Variants in GLI3 observed in about 807,000 individuals in gnomAD.
GLI3 encodes transcription activator GLI3.
Under a neutral mutation model 100.8 loss-of-function variants are expected in GLI3, and 20 were observed. The ratio of observed to expected loss-of-function variants is 0.20; its 90% CI spans 0.14 to 0.29. The LOEUF is 0.29. Among genes scored for constraint, GLI3 ranks in the 10% least tolerant of loss-of-function variants. The pLI is 1.00. For missense variants in GLI3, 2,040 were observed against 2,128.5 expected, an observed-to-expected ratio of 0.96 and a Z score of 0.82; for synonymous variants, 938 against 860.5, an observed-to-expected ratio of 1.09 and a Z score of -1.58.
Position 42,170,287 on chromosome 7 carries a change from T to TACACACAC in GLI3, c.125-21827_125-21820dup, listed in dbSNP as rs1391940438. On this transcript the variant is annotated intron_variant, in intron 2 of 14. Transcript: ENST00000395925. The stretch of plus-strand genomic sequence containing the variant: ...AAAATTATATATATATATATATATA[T>TACACACAC]ACACACACATATGTATATATTTAAA... 1.3e-4 allele frequency among the ~76,000 whole-genome samples: 16 copies of TACACACAC among 123,934 alleles called. No individual in the cohort carries two copies. In the East Asian group the frequency reaches 1.8e-3, roughly 14 times the overall value. 81.3% of individuals were successfully genotyped at this position (123,934 alleles called of 152,430 possible).
chr7:42,184,589 G>A (rs1181717436), intron 2 of GLI3, among the ~76,000 whole-genome samples: 2 of 152,192 alleles, frequency 1.3e-5, no homozygotes, highest in South Asian at 4.1e-4. Context: ...AATGTGAATT[G>A]TTTTAATGAA....
At chr7:42,171,933 T>C (rs1166575278) in intron 2 of GLI3, among the ~76,000 whole-genome samples, 4 of 152,156 alleles carry the variant, frequency 2.6e-5, no homozygotes, top group Non-Finnish European at 5.9e-5. Flanking sequence ...AGAATGTACC[T>C]TCACATTGCC....
intron 3 of GLI3, 91 bp downstream of exon 3, chr7:42,148,135 G>A (rs372753942): frequency 1.9e-4 from 163 of 867,440 alleles, no homozygotes; most frequent in South Asian, 1.3e-3. Context: ...CATAAAGCGC[G>A]CACACACACA....
intron 2 of GLI3, among the ~76,000 whole-genome samples, chr7:42,167,878 A>C (rs2128674686): frequency 6.6e-6 from 1 of 152,346 alleles, no homozygotes; most frequent in South Asian, 2.1e-4. Context: ...TTCTGCCAAA[A>C]GATCACACAG....
intron 2 of GLI3, among the ~76,000 whole-genome samples, chr7:42,209,986 GAAAAAAAAAAAAA>G (rs749477443): frequency 2.1e-4 from 7 of 33,268 alleles, no homozygotes; most frequent in African/African-American, 6.0e-4. Context: ...TTAAGAATCT[GAAAAAAAAAAAAA>G]AAAAAAAAAA....
At chr7:42,255,911 A>G (rs1222558665) in intron 1 of GLI3, among the ~76,000 whole-genome samples, 10 of 152,184 alleles carry the variant, frequency 6.6e-5, no homozygotes, top group African/African-American at 2.4e-4. Flanking sequence ...TGGCCATACC[A>G]TTCTGCATTA....
chr7:42,178,526 G>T (rs117961103), intron 2 of GLI3, among the ~76,000 whole-genome samples: 1 of 152,182 alleles, frequency 6.6e-6, no homozygotes, highest in East Asian at 1.9e-4. Flanking sequence ...CCTTCAAGAA[G>T]AAAGGAGAGC....
intron 2 of GLI3, among the ~76,000 whole-genome samples, chr7:42,184,230 T>C (rs1236092070): frequency 6.6e-6 from 1 of 152,210 alleles, no homozygotes. Context: ...TCCCCTCGTC[T>C]CTGCTCTGGC....
At chr7:42,255,547 A>T (rs969040611) in intron 1 of GLI3, among the ~76,000 whole-genome samples, 1 of 152,156 alleles carries the variant, frequency 6.6e-6, no homozygotes, top group African/African-American at 2.4e-5. Flanking sequence ...TTTTAGGGAC[A>T]TTTCATATAC....
intron 7 of GLI3, among the ~76,000 whole-genome samples, chr7:42,028,657 G>A (rs1017198566): frequency 3.9e-5 from 6 of 151,974 alleles, no homozygotes; most frequent in Non-Finnish European, 7.4e-5. Context: ...CCAGCTGCTC[G>A]AGAGTCTGAG....
intron 10 of GLI3, among the ~76,000 whole-genome samples, chr7:42,021,573 C>T (rs951352287): frequency 2.0e-5 from 3 of 152,150 alleles, no homozygotes; most frequent in Non-Finnish European, 2.9e-5. Flanking sequence ...AAGCTACTAC[C>T]GCACTCCAAA....
At chr7:42,012,881 A>G (rs914656341) in intron 10 of GLI3, among the ~76,000 whole-genome samples, 3 of 152,202 alleles carry the variant, frequency 2.0e-5, no homozygotes, top group Non-Finnish European at 4.4e-5. Flanking sequence ...CCCTGCCCCC[A>G]GGAAAGGCCA....
At chr7:42,153,314 T>C (rs1394993956) in intron 2 of GLI3, among the ~76,000 whole-genome samples, 8 of 152,192 alleles carry the variant, frequency 5.3e-5, no homozygotes, top group Non-Finnish European at 1.2e-4. Context: ...GCAATAATAG[T>C]GCATATAGCT....
intron 1 of GLI3, among the ~76,000 whole-genome samples, chr7:42,250,288 CATACCA>C (rs1789018340): frequency 1.3e-5 from 2 of 152,036 alleles, no homozygotes; most frequent in Non-Finnish European, 2.9e-5. Context: ...AGAAAAAAAC[CATACCA>C]ACAAACCACA....
At chr7:41,989,950 G>A (rs1583762479) in intron 10 of GLI3, among the ~76,000 whole-genome samples, 1 of 133,342 alleles carries the variant, frequency 7.5e-6, no homozygotes, top group African/African-American at 3.0e-5. Context: ...TTGCACCACT[G>A]CACGCCAGCC....
intron 10 of GLI3, among the ~76,000 whole-genome samples, chr7:42,001,171 G>A (rs750909055): frequency 4.1e-5 from 6 of 146,638 alleles, no homozygotes; most frequent in Non-Finnish European, 6.0e-5. Flanking sequence ...TTTGACTGTG[G>A]GAGGTGAAGG....
intron 7 of GLI3, among the ~76,000 whole-genome samples, chr7:42,027,465 T>G (rs1789152372): frequency 6.6e-6 from 1 of 152,238 alleles, no homozygotes; most frequent in African/African-American, 2.4e-5. Flanking sequence ...TTAGAACTCA[T>G]GCAAATTTCC....
intron 12 of GLI3, among the ~76,000 whole-genome samples, chr7:41,973,020 C>T (rs1787407362): frequency 6.6e-6 from 1 of 152,202 alleles, no homozygotes; most frequent in South Asian, 2.1e-4. Flanking sequence ...CACCCATCAT[C>T]TAATCAGGAG....
intron 3 of GLI3, among the ~76,000 whole-genome samples, chr7:42,129,525 G>T (rs1179799942): frequency 6.6e-6 from 1 of 152,198 alleles, no homozygotes; most frequent in African/African-American, 2.4e-5. Context: ...GAAGCCATGG[G>T]CTGGGTTGGG....
Sources: gnomAD v4.1 joint callset for allele counts (sites outside exome capture counted in the v4.1 genomes callset) on GRCh38, gnomAD v4.1.1 for gene constraint, MANE v1.5 for transcripts, NCBI Gene and HGNC (gene_info 2026-07-23, HGNC 2026-07-21) for gene names.